FOXC1: variants seen among roughly 807,000 people sequenced by gnomAD.
FOXC1 encodes the protein forkhead box C1.
In FOXC1, 5 loss-of-function variants were observed where a neutral mutation model predicts 8.1. The ratio of observed to expected loss-of-function variants is 0.62; its 90% CI spans 0.32 to 1.30. The LOEUF (loss-of-function observed/expected upper bound fraction) is 1.30, where lower values mean the gene tolerates loss of function less well. FOXC1 is among the 50% of genes most tolerant of loss of function. The pLI is 0.05. For synonymous variants in FOXC1, 552 were observed against 417.2 expected (o/e 1.32, Z -3.94); for missense variants, 942 against 858.0 (o/e 1.10, Z -1.22).
In FOXC1 at chr6:1,611,694, G is replaced by C; in HGVS notation, c.1249G>C (p.Gly417Arg). Residue 417 changes from glycine to arginine, a missense_variant, in exon 1 of 1, where the codon GGG becomes CGG. Around this residue, in one of 4 missense-constraint regions of FOXC1, gnomAD observed 726 missense variants for 599.6 expected, o/e 1.21. Transcript: ENST00000645831. The surrounding 1 kb of genome is among the most constrained non-coding windows in gnomAD (Gnocchi z 7.1). ...ERGGHLQGAP[G>R]GAGGSAVDDP... is the part of the protein sequence containing the mutation. ...CGGGGGCCACTTGCAGGGCGCGCCC[G>C]GGGGCGCGGGCGGCTCGGCCGTGGA... 1.4e-6 allele frequency: 2 copies of C among 1,426,602 alleles called. No individual in the cohort carries two copies. Among genetic ancestry groups the C allele is most frequent in the Middle Eastern group, 2.3e-4 (1 of 4,392 alleles). The allele number at this position is 1,426,602 out of a possible 1,614,324, so 88.4% of individuals were successfully genotyped here. A position where few individuals can be genotyped will look rare whatever the true frequency, so the allele number is the denominator to read the frequency against.
chr6:1,612,077 A>G lies in FOXC1; in HGVS notation c.1632A>G (p.Gly544=). ...PSSQSLYRTS[G]AFVYDCSKF ...GCCAGTCTCTGTACCGCACGTCCGG[A>G]GCTTTCGTCTACGACTGTAGCAAGT... Residue 544 remains glycine, a synonymous_variant, in exon 1 of 1, where the codon GGA becomes GGG. Transcript: ENST00000645831. 6.2e-7 allele frequency: 1 copy of G among 1,614,068 alleles called. No individual in the cohort carries two copies. Among genetic ancestry groups the G allele is most frequent in the East Asian group, 2.2e-5 (1 of 44,888 alleles).
Position 1,610,752 on chromosome 6 carries a change from G to C in FOXC1, c.307G>C (p.Gly103Arg). 9 of 1,613,968 alleles carry C rather than the reference G, an allele frequency of 5.6e-6. No individual in the cohort carries two copies. The highest frequency in any genetic ancestry group is 7.6e-6 in the Non-Finnish European group (9 of 1,179,966). Residue 103 changes from glycine to arginine, a missense_variant, in exon 1 of 1, where the codon GGC becomes CGC. Around this residue, in one of 4 missense-constraint regions of FOXC1, gnomAD observed 190 missense variants for 176.8 expected, o/e 1.07. Coordinates refer to ENST00000645831, the MANE Select transcript of FOXC1 (RefSeq NM_001453.3). ...CCCGGACAAGAAGATCACCCTGAAC[G>C]GCATCTACCAGTTCATCATGGACCG... ...NAPDKKITLN[G>R]IYQFIMDRFP... is the part of the protein sequence containing the mutation.
rs1441009622 is a variant in FOXC1, at chr6:1,611,394, C to G, written c.949C>G (p.Leu317Val). 1 of 1,450,930 alleles carries G rather than the reference C, an allele frequency of 6.9e-7. No homozygotes were observed. The highest frequency in any genetic ancestry group is 9.1e-7 in the Non-Finnish European group (1 of 1,103,866). 89.9% of individuals were successfully genotyped at this position (1,450,930 alleles called of 1,614,324 possible). A position where few individuals can be genotyped will look rare whatever the true frequency, so the allele number is the denominator to read the frequency against. Reference sequence around the variant, plus strand: ...CAGCGTGGACAACATCATGACGTCGCTGCGGGGGTCGCCGCAGAGCGCGGC... The same window carrying G: ...CAGCGTGGACAACATCATGACGTCGGTGCGGGGGTCGCCGCAGAGCGCGGC... ...GFSVDNIMTS[L>V]RGSPQSAAAE... The change falls in exon 1 of 1, where the codon CTG becomes GTG. Residue 317 changes from leucine to valine, a missense_variant. Leu to Val is a conservative substitution (Grantham distance 32). This residue lies in a region of FOXC1 where 726 missense variants were observed against 599.6 expected (regional missense o/e 1.21). Transcript: ENST00000645831. This position sits in a 1 kb window ranked among gnomAD's most constrained non-coding sequence, Gnocchi z 7.1.
rs1462678696 is a variant in FOXC1 at position 1,610,537 on chromosome 6, CGGCGGCCGG to C, written c.95_103del (p.Ala32_Gly34del). The C allele has an allele frequency of 1.3e-6, 2 of 1,539,664 alleles. No individual in the cohort carries two copies. The highest frequency in any genetic ancestry group is 2.8e-5 in the African/African-American group (2 of 72,348). On this transcript the variant is annotated inframe_deletion, in exon 1 of 1. Coordinates refer to ENST00000645831, the MANE Select transcript of FOXC1 (RefSeq NM_001453.3). ...CAGAGCTACTACCGCGCGGCGGCCG[CGGCGGCCGG>C]GGGCGGCTACACCGCCATGCCGGCC...
Position 1,611,961 on chromosome 6 carries a change from T to A in FOXC1, c.1516T>A (p.Ser506Thr), listed in dbSNP as rs1396089144. ...CCCGGGCCAGCAGCAGAACTTCCAC[T>A]CGGTGCGGGAGATGTTCGAGTCACA... Reference protein sequence around the residue: ...GYPGQQQNFHSVREMFESQRI... With the variant: ...GYPGQQQNFHTVREMFESQRI... The change falls in exon 1 of 1, where the codon TCG (serine) becomes ACG (threonine). Residue 506 changes from serine to threonine, a missense_variant. Physicochemically the swap from Ser to Thr is moderately conservative, Grantham distance 58. Transcript: ENST00000645831. The surrounding 1 kb of genome is among the most constrained non-coding windows in gnomAD (Gnocchi z 7.1). 1.9e-6 allele frequency: 3 copies of A among 1,604,848 alleles called. No individual in the cohort carries two copies. The highest frequency in any genetic ancestry group is 2.7e-5 in the African/African-American group (2 of 74,918).
At position 1,612,951 on chromosome 6, in the gene FOXC1, T is replaced by G. The variant is rs1762582837; in HGVS notation, c.*844T>G. Reference sequence around the variant, plus strand: ...AAAAATGGAGAAACCCTCTGACTAGTCCATGTCAAATTTTACTAAAAGTCT... The same window carrying G: ...AAAAATGGAGAAACCCTCTGACTAGGCCATGTCAAATTTTACTAAAAGTCT... On this transcript the variant is annotated 3_prime_UTR_variant, in exon 1 of 1. Coordinates refer to ENST00000645831, the MANE Select transcript of FOXC1 (RefSeq NM_001453.3). 4.5e-6 allele frequency: 1 copy of G among 221,994 alleles called. No homozygotes were observed. The highest frequency in any genetic ancestry group is 1.9e-4 in the South Asian group (1 of 5,288). 13.8% of individuals were successfully genotyped at this position (221,994 alleles called of 1,614,324 possible). A position where few individuals can be genotyped will look rare whatever the true frequency, so the allele number is the denominator to read the frequency against.
rs2113116200 is a variant in FOXC1, at chr6:1,612,542, A to G, written c.*435A>G. 1 of 260,234 alleles carries G rather than the reference A, an allele frequency of 3.8e-6. No individual in the cohort carries two copies. Among genetic ancestry groups the G allele is most frequent in the East Asian group, 6.0e-5 (1 of 16,762 alleles). The allele number at this position is 260,234 out of a possible 1,614,324, so 16.1% of individuals were successfully genotyped here. On this transcript the variant is annotated 3_prime_UTR_variant, in exon 1 of 1. Coordinates refer to ENST00000645831, the MANE Select transcript of FOXC1 (RefSeq NM_001453.3). ...TTTATCCTATGTTGAAGGGAGGGGG[A>G]AAGTCCCCGTTTATGAAAGTCGCTT...
chr6:1,610,073 T>A lies in FOXC1; in HGVS notation c.-373T>A, dbSNP rs1762506332. The A allele has an allele frequency of 8.2e-6, 1 of 121,250 alleles. No individual in the cohort carries two copies. The highest frequency in any genetic ancestry group is 1.1e-4 in the Admixed American group (1 of 8,974). The allele number at this position is 121,250 out of a possible 1,614,324, so 7.5% of individuals were successfully genotyped here. The stretch of plus-strand genomic sequence containing the variant: ...CCTTCGCCGGCAGCTCAGGGCAGAG[T>A]CTCCTGGAAGGCGCAGGCAGTGTGG... On this transcript the variant is annotated 5_prime_UTR_variant, in exon 1 of 1. Coordinates refer to ENST00000645831, the MANE Select transcript of FOXC1 (RefSeq NM_001453.3).
Position 1,611,308 on chromosome 6 carries a change from C to T in FOXC1, c.863C>T (p.Ala288Val), listed in dbSNP as rs772681923. 23 of 1,412,628 alleles carry T rather than the reference C, an allele frequency of 1.6e-5. No individual in the cohort carries two copies. In the South Asian group the frequency reaches 2.9e-4, roughly 18 times the overall value. The allele number at this position is 1,412,628 out of a possible 1,614,324, so 87.5% of individuals were successfully genotyped here. ...PSARPLSLDGADSAPPPPAPS... is the reference protein window; with the variant it reads ...PSARPLSLDGVDSAPPPPAPS... ...GCGCGGCCGCTCAGCCTGGACGGTG[C>T]GGATTCCGCGCCGCCGCCGCCCGCG... is the stretch of plus-strand genomic sequence containing the variant. Residue 288 changes from alanine (A) to valine (V), a missense_variant, in exon 1 of 1, where the codon GCG (alanine) becomes GTG (valine). Coordinates refer to ENST00000645831, the MANE Select transcript of FOXC1 (RefSeq NM_001453.3). The surrounding 1 kb of genome is among the most constrained non-coding windows in gnomAD (Gnocchi z 7.1).
In FOXC1 at chr6:1,610,389, C is replaced by G. The variant is rs1329821150; in HGVS notation, c.-57C>G. On this transcript the variant is annotated 5_prime_UTR_variant, in exon 1 of 1. Transcript: ENST00000645831. The stretch of plus-strand genomic sequence containing the variant: ...ACTCGGCGGCCGGCGCGGCGCGGCC[C>G]GGCCCGAGCGAGGGTGGGGGGCGGC... 3.1e-6 allele frequency: 3 copies of G among 972,852 alleles called. No homozygotes were observed. The highest frequency in any genetic ancestry group is 3.7e-6 in the Non-Finnish European group (3 of 810,754). 60.3% of individuals were successfully genotyped at this position (972,852 alleles called of 1,614,324 possible). A position where few individuals can be genotyped will look rare whatever the true frequency, so the allele number is the denominator to read the frequency against.
chr6:1,611,663 C>T lies in FOXC1; in HGVS notation c.1218C>T (p.Gly406=), dbSNP rs1194975882. The T allele has an allele frequency of 1.4e-6, 2 of 1,384,116 alleles. No homozygotes were observed. The highest frequency in any genetic ancestry group is 1.5e-5 in the African/African-American group (1 of 64,834). The allele number at this position is 1,384,116 out of a possible 1,614,324, so 85.7% of individuals were successfully genotyped here. ...AAGCCATGAGCCTGTACGCGGCCGG[C>T]GAGCGCGGGGGCCACTTGCAGGGCG... The part of the protein sequence containing the change: ...NLQAMSLYAA[G]ERGGHLQGAP... The change falls in exon 1 of 1, where the codon GGC becomes GGT. Residue 406 remains glycine, a synonymous_variant. Transcript: ENST00000645831. This position sits in a 1 kb window ranked among gnomAD's most constrained non-coding sequence, Gnocchi z 7.1.
chr6:1,611,584 G>GCGGCGCGGGGGC lies in FOXC1; in HGVS notation c.1141_1142insGCGCGGGGGCCG (p.Gly380_Ala381insGlyAlaGlyAla), dbSNP rs1554101054. The GCGGCGCGGGGGC allele has an allele frequency of 2.6e-6, 3 of 1,164,178 alleles. No individual in the cohort carries two copies. The highest frequency in any genetic ancestry group is 4.8e-5 in the Admixed American group (1 of 20,994). The allele number at this position is 1,164,178 out of a possible 1,614,324, so 72.1% of individuals were successfully genotyped here. A position where few individuals can be genotyped will look rare whatever the true frequency, so the allele number is the denominator to read the frequency against. On this transcript the variant is annotated inframe_insertion, in exon 1 of 1. Transcript: ENST00000645831. The surrounding 1 kb of genome is among the most constrained non-coding windows in gnomAD (Gnocchi z 7.1). ...GGCAGCTCGGGCGGCGGCGGCGGCG[G>GCGGCGCGGGGGC]CGCGGGGGCCGCGGGGGGCGCGGGC...
Position 1,610,625 on chromosome 6 carries a change from G to T in FOXC1, c.180G>T (p.Met60Ile), listed in dbSNP as rs1443692034. 1 of 1,611,948 alleles carries T rather than the reference G, an allele frequency of 6.2e-7. No homozygotes were observed. Among genetic ancestry groups the T allele is most frequent in the Admixed American group, 1.7e-5 (1 of 59,952 alleles). Residue 60 changes from methionine to isoleucine, a missense_variant, in exon 1 of 1, where the codon ATG becomes ATT. Transcript: ENST00000645831. ...PAHAEQYPGG[M>I]ARAYGPYTPQ... ...ACGCCGAGCAGTACCCGGGCGGCAT[G>T]GCCCGCGCCTACGGGCCCTACACGC...
chr6:1,610,903 C>T lies in FOXC1; in HGVS notation c.458C>T (p.Thr153Met). The part of the protein sequence containing the change: ...DKKPGKGSYW[T>M]LDPDSYNMFE... The stretch of plus-strand genomic sequence containing the variant: ...AAGCCGGGCAAGGGCAGCTACTGGA[C>T]GCTGGACCCGGACTCCTACAACATG... The change falls in exon 1 of 1, where the codon ACG becomes ATG. Residue 153 changes from threonine to methionine, a missense_variant. Transcript: ENST00000645831. 6.2e-7 allele frequency: 1 copy of T among 1,613,996 alleles called. No individual in the cohort carries two copies. The highest frequency in any genetic ancestry group is 8.5e-7 in the Non-Finnish European group (1 of 1,179,996).
rs1314519590 is a variant in FOXC1 at position 1,611,566 on chromosome 6, C to T, written c.1121C>T (p.Ser374Leu). ...AGCCAGACCTCCAGCGCGGGCAGCTCGGGCGGCGGCGGCGGCGGCGCGGGG... is the reference window on the plus strand; with the variant it reads ...AGCCAGACCTCCAGCGCGGGCAGCTTGGGCGGCGGCGGCGGCGGCGCGGGG... ...PCSQTSSAGS[S>L]GGGGGGAGAA... Residue 374 changes from serine to leucine, a missense_variant, in exon 1 of 1, where the codon TCG (serine) becomes TTG (leucine). By Grantham distance (145) the Ser-to-Leu change is moderately radical. Transcript: ENST00000645831. This position sits in a 1 kb window ranked among gnomAD's most constrained non-coding sequence, Gnocchi z 7.1. 12 of 1,143,212 alleles carry T rather than the reference C, an allele frequency of 1.0e-5. No individual in the cohort carries two copies. Among genetic ancestry groups the T allele is most frequent in the Non-Finnish European group, 1.3e-5 (12 of 937,106 alleles). The allele number at this position is 1,143,212 out of a possible 1,614,324, so 70.8% of individuals were successfully genotyped here.
chr6:1,611,750 G>A lies in FOXC1; in HGVS notation c.1305G>A (p.Pro435=), dbSNP rs1476054590. Residue 435 remains proline (P), a synonymous_variant, in exon 1 of 1, where the codon CCG becomes CCA. Coordinates refer to ENST00000645831, the MANE Select transcript of FOXC1 (RefSeq NM_001453.3). The surrounding 1 kb of genome is among the most constrained non-coding windows in gnomAD (Gnocchi z 7.1). ...CCCTGCCCGACTACTCTCTGCCTCC[G>A]GTCACCAGCAGCAGCTCGTCGTCCC... ...DDPLPDYSLP[P]VTSSSSSSLS... is the part of the protein sequence containing the mutation. 5 of 1,469,448 alleles carry A rather than the reference G, an allele frequency of 3.4e-6. No homozygotes were observed. In the Admixed American group the frequency reaches 7.2e-5, roughly 21 times the overall value. The allele number at this position is 1,469,448 out of a possible 1,614,324, so 91.0% of individuals were successfully genotyped here.
Position 1,610,530 on chromosome 6 carries a change from G to A in FOXC1, c.85G>A (p.Ala29Thr), listed in dbSNP as rs1353668209. The A allele has an allele frequency of 6.5e-7, 1 of 1,530,632 alleles. No homozygotes were observed. 94.8% of individuals were successfully genotyped at this position (1,530,632 alleles called of 1,614,324 possible). ...LGGEQSYYRAAAAAAGGGYTA... is the reference protein window; with the variant it reads ...LGGEQSYYRATAAAAGGGYTA... The stretch of plus-strand genomic sequence containing the variant: ...CGGCGAGCAGAGCTACTACCGCGCG[G>A]CGGCCGCGGCGGCCGGGGGCGGCTA... The change falls in exon 1 of 1, where the codon GCG becomes ACG. Residue 29 changes from alanine to threonine, a missense_variant. Transcript: ENST00000645831.
Position 1,612,234 on chromosome 6 carries a change from C to T in FOXC1, c.*127C>T. ...AAACCCCTGAGAATATTCACCACACCAGCGAACAGAATATCCCTCCAAAAA... is the reference window on the plus strand; with the variant it reads ...AAACCCCTGAGAATATTCACCACACTAGCGAACAGAATATCCCTCCAAAAA... On this transcript the variant is annotated 3_prime_UTR_variant, in exon 1 of 1. Coordinates refer to ENST00000645831, the MANE Select transcript of FOXC1 (RefSeq NM_001453.3). The T allele has an allele frequency of 7.1e-7, 1 of 1,416,628 alleles. No individual in the cohort carries two copies. Among genetic ancestry groups the T allele is most frequent in the South Asian group, 1.3e-5 (1 of 76,710 alleles). The allele number at this position is 1,416,628 out of a possible 1,614,324, so 87.8% of individuals were successfully genotyped here.
Position 1,610,675 on chromosome 6 carries a change from T to C in FOXC1, c.230T>C (p.Val77Ala). The C allele has an allele frequency of 1.9e-6, 3 of 1,613,464 alleles. No individual in the cohort carries two copies. The highest frequency in any genetic ancestry group is 2.5e-6 in the Non-Finnish European group (3 of 1,179,924). Residue 77 changes from valine (V) to alanine (A), a missense_variant, in exon 1 of 1, where the codon GTG becomes GCG. Around this residue, in one of 4 missense-constraint regions of FOXC1, gnomAD observed 190 missense variants for 176.8 expected, o/e 1.07. Transcript: ENST00000645831. ...CCGCAGCCGCAGCCCAAGGACATGG[T>C]GAAGCCGCCCTATAGCTACATCGCG... ...YTPQPQPKDM[V>A]KPPYSYIALI...
Sources: allele counts gnomAD v4.1 joint callset, GRCh38; gene constraint gnomAD v4.1.1; regional missense constraint gnomAD v4.1.1; non-coding constraint Gnocchi (gnomAD v3.1); transcripts MANE v1.5; gene names NCBI Gene and HGNC (gene_info 2026-07-23, HGNC 2026-07-21).